Variants in TENM2 observed in about 807,000 individuals in gnomAD.
The protein encoded by TENM2 is teneurin-2.
In TENM2, 52 loss-of-function variants were observed where a neutral mutation model predicts 245.2. The observed-to-expected ratio is 0.21, with a 90% CI of 0.17 to 0.27. The LOEUF (loss-of-function observed/expected upper bound fraction) is 0.27. Ranked by LOEUF, TENM2 falls within the 10% of genes least tolerant of loss-of-function variation. TENM2 has a pLI of 1.00. For synonymous variants in TENM2, 1,363 were observed against 1,438.9 expected, an observed-to-expected ratio of 0.95 and a Z score of 1.19; for missense variants, 3,046 against 3,666.8, an observed-to-expected ratio of 0.83 and a Z score of 4.37.
At chr5:167,821,063 C>T (rs1257468269) in intron 2 of TENM2, 1 of 152,142 alleles carries the variant, frequency 6.6e-6, no homozygotes, top group Non-Finnish European at 1.5e-5. Context: ...AGGAATAATT[C>T]TCTATTGTAG....
At chr5:167,870,532 G>A (rs985117129) in intron 2 of TENM2, among the ~76,000 whole-genome samples, 2 of 147,804 alleles carry the variant, frequency 1.4e-5, no homozygotes, top group African/African-American at 5.1e-5. Context: ...GAAAAGTACT[G>A]AATGTTAAAA....
chr5:167,700,236 TC>T (rs532248647), intron 2 of TENM2, among the ~76,000 whole-genome samples: 1 of 152,330 alleles, frequency 6.6e-6, no homozygotes, highest in African/African-American at 2.4e-5. Context: ...TCCTTTAAAG[TC>T]CTTTAAGAAT....
intron 7 of TENM2, among the ~76,000 whole-genome samples, chr5:168,078,351 T>C (rs906113001): frequency 1.3e-5 from 2 of 152,226 alleles, no homozygotes; most frequent in Admixed American, 1.3e-4. Flanking sequence ...ATGGGTAGAC[T>C]GTAAAAATTT....
At chr5:166,996,227 C>T in the TENM2 span, among the ~76,000 whole-genome samples, 7 of 152,176 alleles carry the variant, frequency 4.6e-5, no homozygotes, top group Admixed American at 1.3e-4. Flanking sequence ...CTTGTAGTCC[C>T]GGCTACTTGT....
intron 2 of TENM2, among the ~76,000 whole-genome samples, chr5:167,463,347 G>A (rs190150943): frequency 1.5e-3 from 228 of 152,212 alleles, no homozygotes; most frequent in African/African-American, 4.2e-3. Flanking sequence ...GACCATCTTC[G>A]TCAGATGGTT....
At chr5:167,661,305 G>A (rs1755191094) in intron 2 of TENM2, among the ~76,000 whole-genome samples, 1 of 152,114 alleles carries the variant, frequency 6.6e-6, no homozygotes, top group Non-Finnish European at 1.5e-5. Flanking sequence ...CATTTTATAA[G>A]CTTCCTATCT....
At chr5:167,757,208 A>T (rs997877040) in intron 2 of TENM2, among the ~76,000 whole-genome samples, 2 of 151,836 alleles carry the variant, frequency 1.3e-5, no homozygotes, top group East Asian at 3.9e-4. Context: ...CATCAGCTAC[A>T]TTAGGTATTT....
chr5:167,396,054 G>A (rs1478529418), intron 2 of TENM2, among the ~76,000 whole-genome samples: 1 of 152,040 alleles, frequency 6.6e-6, no homozygotes, highest in Non-Finnish European at 1.5e-5. Flanking sequence ...AAAATATGGA[G>A]TTTCCTCAAA....
At chr5:167,684,655 G>A (rs1403312295) in intron 2 of TENM2, among the ~76,000 whole-genome samples, 3 of 152,072 alleles carry the variant, frequency 2.0e-5, no homozygotes, top group African/African-American at 7.2e-5. Flanking sequence ...TATTTTAAGG[G>A]TACTAAATTA....
At chr5:168,085,737 G>A (rs1258279108) in intron 7 of TENM2, among the ~76,000 whole-genome samples, 1 of 152,216 alleles carries the variant, frequency 6.6e-6, no homozygotes, top group Non-Finnish European at 1.5e-5. Context: ...AGGCCCCCAG[G>A]AGTGAGCGAC....
At chr5:167,272,706 T>C in the TENM2 span, among the ~76,000 whole-genome samples, 1 of 152,114 alleles carries the variant, frequency 6.6e-6, no homozygotes, top group Non-Finnish European at 1.5e-5. Flanking sequence ...ACAGATTGCC[T>C]CTCAATTCAC....
intron 4 of TENM2, among the ~76,000 whole-genome samples, chr5:167,979,704 A>G (rs1205134537): frequency 6.6e-6 from 1 of 152,222 alleles, no homozygotes; most frequent in Non-Finnish European, 1.5e-5. Context: ...CAAGAATGAC[A>G]GAAAACTTGA....
rs1243930062 is a variant in TENM2, at chr5:167,944,447, A to G, written c.713-8141A>G. Among the ~76,000 whole-genome samples the G allele has an allele frequency of 3.9e-5, 6 of 152,232 alleles. No homozygotes were observed. The East Asian group carries it at 1.2e-3, about 29-fold the overall frequency. ...GCAGGGTCTCAGCCAAAAAAAAAAA[A>G]AAGGCCTGCAGGGGACCTGCTTCAG... On this transcript the variant is annotated intron_variant, in intron 3 of 28. Transcript: ENST00000518659.
At chr5:167,240,411 T>C in the TENM2 span, among the ~76,000 whole-genome samples, 2 of 152,208 alleles carry the variant, frequency 1.3e-5, no homozygotes, top group Non-Finnish European at 2.9e-5. Flanking sequence ...TTTCTTATTT[T>C]TTTTAATTCC....
At chr5:167,364,422 G>A (rs760575109) in intron 1 of TENM2, among the ~76,000 whole-genome samples, 2 of 151,920 alleles carry the variant, frequency 1.3e-5, no homozygotes, top group Non-Finnish European at 2.9e-5. Context: ...GCACAAACAG[G>A]AAAACATAAA....
chr5:167,907,647 A>G (rs1776217828), intron 3 of TENM2, among the ~76,000 whole-genome samples: 1 of 148,378 alleles, frequency 6.7e-6, no homozygotes, highest in Non-Finnish European at 1.5e-5. Flanking sequence ...TCATGCCTAT[A>G]GTCCCAACAC....
chr5:167,918,686 T>C (rs537849716), intron 3 of TENM2, among the ~76,000 whole-genome samples: 33 of 152,238 alleles, frequency 2.2e-4, no homozygotes, highest in African/African-American at 6.5e-4. Context: ...TCTTAATCTT[T>C]CTATTAGAGA....
intron 10 of TENM2, among the ~76,000 whole-genome samples, chr5:168,122,581 T>A (rs1464953161): frequency 6.6e-6 from 1 of 152,184 alleles, no homozygotes; most frequent in Non-Finnish European, 1.5e-5. Flanking sequence ...TGGGCTTATG[T>A]CATCAGGAGT....
At chr5:167,957,586 T>C (rs1780662469) in intron 4 of TENM2, among the ~76,000 whole-genome samples, 1 of 152,230 alleles carries the variant, frequency 6.6e-6, no homozygotes, top group Non-Finnish European at 1.5e-5. Context: ...TTTTAGATTG[T>C]TCCTGCTTTC....
Sources: allele counts gnomAD v4.1 joint callset (sites outside exome capture counted in the v4.1 genomes callset), GRCh38; gene constraint gnomAD v4.1.1; transcripts MANE v1.5; gene names NCBI Gene and HGNC (gene_info 2026-07-23, HGNC 2026-07-21).